Variants in MYBBP1A observed in about 807,000 individuals in gnomAD.
The protein encoded by MYBBP1A is myb-binding protein 1A.
MYBBP1A carries 147 observed loss-of-function variants against 136.3 expected under a neutral mutation model. That is an observed-to-expected ratio of 1.08 (90% CI 0.94 to 1.24). The LOEUF is 1.24. Among genes scored for constraint, MYBBP1A ranks in the 50% most tolerant of loss-of-function variants. The pLI is 0.00. For missense variants in MYBBP1A, 2,060 were observed against 1,727.4 expected (o/e 1.19, Z -3.41); for synonymous variants, 947 against 735.8 (o/e 1.29, Z -4.65).
At chr17:4,546,075 A>T in intron 13 of MYBBP1A, 133 bp from the exon 14 acceptor site, 1 of 745,554 alleles carries the variant, frequency 1.3e-6, no homozygotes. Flanking sequence ...CGCCCTGGCC[A>T]GTCACCCCCA....
rs756947115 is a variant in MYBBP1A, at chr17:4,543,175, G to T, written c.2640-10C>A. 1 of 1,596,760 alleles carries T rather than the reference G, an allele frequency of 6.3e-7. No individual in the cohort carries two copies. Among genetic ancestry groups the T allele is most frequent in the East Asian group, 2.2e-5 (1 of 44,640 alleles). On this transcript the variant is annotated splice_polypyrimidine_tract_variant and intron_variant, in intron 19 of 25. Coordinates refer to ENST00000254718, the MANE Select transcript of MYBBP1A (RefSeq NM_014520.4). Reference sequence around the variant, plus strand: ...ACGGCACAGGTGGTGCCTGTGGGTGGTGAGGACGAGAGCTGGTCAGAACAT... The same window carrying T: ...ACGGCACAGGTGGTGCCTGTGGGTGTTGAGGACGAGAGCTGGTCAGAACAT...
chr17:4,547,093 T>C (rs1436978537), intron 13 of MYBBP1A, among the ~76,000 whole-genome samples: 1 of 152,060 alleles, frequency 6.6e-6, no homozygotes, highest in Non-Finnish European at 1.5e-5. Context: ...TGTATTTTAG[T>C]AGAGAAGGGG....
Position 4,539,684 on chromosome 17 carries a change from G to C in MYBBP1A, c.3718C>G (p.Arg1240Gly). Residue 1240 changes from arginine to glycine, a missense_variant, in exon 26 of 26, where the codon CGG becomes GGG. Coordinates refer to ENST00000254718, the MANE Select transcript of MYBBP1A (RefSeq NM_014520.4). ...TKSPAPGAPT[R>G]SPSTPAKSPK... ...GATTTGGCAGGGGTGCTGGGGCTCCGGGTGGGGGCGCCAGGGGCTGGACTC... is the reference window on the plus strand; with the variant it reads ...GATTTGGCAGGGGTGCTGGGGCTCCCGGTGGGGGCGCCAGGGGCTGGACTC... 6.2e-7 allele frequency: 1 copy of C among 1,608,872 alleles called. No individual in the cohort carries two copies. The highest frequency in any genetic ancestry group is 8.5e-7 in the Non-Finnish European group (1 of 1,176,514).
At chr17:4,550,035 G>A (rs1158393234) in intron 9 of MYBBP1A, 23 bp downstream of exon 9, 1 of 1,586,702 alleles carries the variant, frequency 6.3e-7, no homozygotes, top group Non-Finnish European at 8.6e-7. Flanking sequence ...TAAATTAGGT[G>A]TCCTCCCCCA....
intron 1 of MYBBP1A, 63 bp from the exon 2 acceptor site, chr17:4,555,019 C>T (rs1871347): frequency 0.79 from 1,257,963 of 1,598,048 alleles, 496,680 homozygotes; most frequent in Admixed American, 0.89. Flanking sequence ...CCCGCGCACC[C>T]TGGCATCCAG....
In MYBBP1A at chr17:4,541,774, C is replaced by G. The variant is rs199775757; in HGVS notation, c.3195+10G>C. ...GAGGGGGTGGGGAAAGGGCGCCCCC[C>G]GGCTGTTACCTCGGTGACCTTTGCT... On this transcript the variant is annotated intron_variant, in intron 23 of 25. Coordinates refer to ENST00000254718, the MANE Select transcript of MYBBP1A (RefSeq NM_014520.4). The G allele has an allele frequency of 6.4e-5, 103 of 1,611,848 alleles. No homozygotes were observed. Among genetic ancestry groups the G allele is most frequent in the Middle Eastern group, 5.0e-4 (3 of 6,056 alleles).
intron 24 of MYBBP1A, among the ~76,000 whole-genome samples, 199 bp downstream of exon 24, chr17:4,541,264 T>TC (rs1906396556): frequency 6.6e-6 from 1 of 152,212 alleles, no homozygotes; most frequent in Admixed American, 6.5e-5. Flanking sequence ...GGTGGCACAG[T>TC]CCCTTCCCAA....
At position 4,543,156 on chromosome 17, in the gene MYBBP1A, C is replaced by G. The variant is rs1406545111; in HGVS notation, c.2649G>C (p.Leu883=). ...HKTARIFTHH[L]CRARRYCHDL... is the part of the protein sequence containing the mutation. Reference sequence around the variant, plus strand: ...CGTGGCAGTAGCGCCGGGCACGGCACAGGTGGTGCCTGTGGGTGGTGAGGA... The same window carrying G: ...CGTGGCAGTAGCGCCGGGCACGGCAGAGGTGGTGCCTGTGGGTGGTGAGGA... The change falls in exon 20 of 26, where the codon CTG becomes CTC. Residue 883 remains leucine (L), a synonymous_variant. Transcript: ENST00000254718. 6.2e-7 allele frequency: 1 copy of G among 1,605,010 alleles called. No homozygotes were observed. The highest frequency in any genetic ancestry group is 1.3e-5 in the African/African-American group (1 of 74,796).
At chr17:4,550,953 C>G (rs1251097931) in intron 8 of MYBBP1A, among the ~76,000 whole-genome samples, 1 of 152,270 alleles carries the variant, frequency 6.6e-6, no homozygotes, top group Non-Finnish European at 1.5e-5. Context: ...TTCTCAGGGT[C>G]AGAGGCTCCC....
At position 4,545,151 on chromosome 17, in the gene MYBBP1A, T is replaced by C; in HGVS notation, c.2185A>G (p.Asn729Asp). The C allele has an allele frequency of 9.9e-6, 16 of 1,613,418 alleles. No individual in the cohort carries two copies. Among genetic ancestry groups the C allele is most frequent in the Non-Finnish European group, 1.4e-5 (16 of 1,179,926 alleles). The stretch of plus-strand genomic sequence containing the variant: ...TCCTCTTCACTCTCTGAGCTTCTGT[T>C]GTCCTCACCTTCCTCGCTCTTGTCC... ...AEDKSEEGED[N>D]RSSESEEESE... The change falls in exon 17 of 26, where the codon AAC (asparagine) becomes GAC (aspartate). Residue 729 changes from asparagine to aspartate, a missense_variant. By Grantham distance (23) the Asn-to-Asp change is conservative (BLOSUM62 1). Transcript: ENST00000254718.
chr17:4,550,081 T>C lies in MYBBP1A; in HGVS notation c.1296A>G (p.Lys432=), dbSNP rs746178728. Residue 432 remains lysine (K), a synonymous_variant, in exon 9 of 26, where the codon AAA becomes AAG. Transcript: ENST00000254718. ...ACATGTGGAGCGATGAATCCTGGGC[T>C]TTCTTCTGGTTGTTGGTGCTGAAGT... is the stretch of plus-strand genomic sequence containing the variant. ...LVDFSTNNQK[K]AQDSSLHMPE... is the part of the protein sequence containing the mutation. 37 of 1,613,416 alleles carry C rather than the reference T, an allele frequency of 2.3e-5. No individual in the cohort carries two copies. The highest frequency in any genetic ancestry group is 1.7e-4 in the Middle Eastern group (1 of 6,056).
chr17:4,545,229 C>A (rs374554173), intron 16 of MYBBP1A, 30 bp downstream of exon 16: 1 of 1,612,726 alleles, frequency 6.2e-7, no homozygotes, highest in African/African-American at 1.3e-5. Flanking sequence ...CCACTCCCCA[C>A]CGCCCCCGCC....
chr17:4,542,955 C>CT lies in MYBBP1A; in HGVS notation c.2849dup (p.Lys951GlufsTer5). 1 of 1,614,078 alleles carries CT rather than the reference C, an allele frequency of 6.2e-7. No homozygotes were observed. Among genetic ancestry groups the CT allele is most frequent in the Non-Finnish European group, 8.5e-7 (1 of 1,180,004 alleles). On this transcript the variant is annotated frameshift_variant, in exon 20 of 26. Transcript: ENST00000254718. LOFTEE classifies it high-confidence loss of function. ...TGTGGCTGGGGTCAGTGCCAGCTTT[C>CT]TGCTTCTCCTGTGTCTCATGCACGC...
At chr17:4,547,824 T>A in intron 13 of MYBBP1A, 134 bp downstream of exon 13, 1 of 748,284 alleles carries the variant, frequency 1.3e-6, no homozygotes, top group Non-Finnish European at 2.0e-6. Context: ...CAAAGTTGGC[T>A]TCAAAAACCT....
chr17:4,541,401 G>T, intron 24 of MYBBP1A, 62 bp downstream of exon 24: 1 of 1,430,024 alleles, frequency 7.0e-7, no homozygotes, highest in South Asian at 1.1e-5. Flanking sequence ...ACTGCTGGCC[G>T]GGAGGCCCCA....
chr17:4,549,200 T>C, intron 10 of MYBBP1A, 132 bp downstream of exon 10: 1 of 721,510 alleles, frequency 1.4e-6, no homozygotes, highest in Non-Finnish European at 2.3e-6. Flanking sequence ...CCAAGTCCCC[T>C]TGTGCCTGCC....
In MYBBP1A at chr17:4,553,823, T is replaced by C; in HGVS notation, c.548A>G (p.Asp183Gly). The change falls in exon 5 of 26, where the codon GAC (aspartate) becomes GGC (glycine). Residue 183 changes from aspartate (D) to glycine (G), a missense_variant. Physicochemically the swap from Asp to Gly is moderately conservative, Grantham distance 94 (BLOSUM62 -1). Transcript: ENST00000254718. ...LQEQPRKALV[D>G]ILSEVSKATL... ...GGGAGCTCATACCTCGGAGAGGATG[T>C]CCACCAGGGCCTTCCGGGGCTGCTC... 1.2e-6 allele frequency: 2 copies of C among 1,613,964 alleles called. No homozygotes were observed. Among genetic ancestry groups the C allele is most frequent in the South Asian group, 1.1e-5 (1 of 91,088 alleles).
chr17:4,542,785 C>A (rs1254756646), intron 20 of MYBBP1A, 44 bp from the exon 21 acceptor site: 2 of 1,606,376 alleles, frequency 1.2e-6, no homozygotes, highest in Non-Finnish European at 1.7e-6. Context: ...GGAGAGGGGT[C>A]CCTGGGATGG....
At position 4,544,746 on chromosome 17, in the gene MYBBP1A, C is replaced by A. The variant is rs1906809388; in HGVS notation, c.2481+5G>T. The A allele has an allele frequency of 1.3e-6, 2 of 1,543,496 alleles. No individual in the cohort carries two copies. The highest frequency in any genetic ancestry group is 1.7e-6 in the Non-Finnish European group (2 of 1,144,530). ...GGGGTGGGTGCGGCCCGCCCCCAGG[C>A]TCACCCGGATCTGGAAGTCGCGCCG... On this transcript the variant is annotated splice_donor_5th_base_variant and intron_variant, in intron 18 of 25. Coordinates refer to ENST00000254718, the MANE Select transcript of MYBBP1A (RefSeq NM_014520.4).
Sources: allele counts gnomAD v4.1 joint callset (sites outside exome capture counted in the v4.1 genomes callset), GRCh38; gene constraint gnomAD v4.1.1; transcripts MANE v1.5; gene names NCBI Gene and HGNC (gene_info 2026-07-23, HGNC 2026-07-21).